The following CPNE9 variants were observed in gnomAD, a reference collection of about 807,000 sequenced individuals.
The protein encoded by CPNE9 is copine-9.
A neutral mutation model predicts 83.0 loss-of-function variants in CPNE9; 59 were observed. The ratio of observed to expected loss-of-function variants is 0.71; its 90% CI spans 0.58 to 0.88. The LOEUF (loss-of-function observed/expected upper bound fraction) is 0.88. CPNE9 is among the 40% of genes least tolerant of loss of function. The pLI, the probability that CPNE9 is intolerant of heterozygous loss-of-function variation, is 0.00. For missense variants in CPNE9, 619 were observed against 720.8 expected, an observed-to-expected ratio of 0.86 and a Z score of 1.62; for synonymous variants, 256 against 273.4, an observed-to-expected ratio of 0.94 and a Z score of 0.63.
intron 17 of CPNE9, among the ~76,000 whole-genome samples, chr3:9,725,671 T>C (rs1252654909): frequency 3.1e-5 from 1 of 32,500 alleles, no homozygotes; most frequent in Admixed American, 2.6e-4. Flanking sequence ...TATGTATATA[T>C]ATGTGTATAT....
intron 7 of CPNE9, among the ~76,000 whole-genome samples, chr3:9,709,881 T>G (rs531028771): frequency 6.7e-6 from 1 of 148,216 alleles, no homozygotes; most frequent in African/African-American, 2.5e-5. Context: ...TCCCAGCTAC[T>G]AGGGAGGATG....
chr3:9,722,884 T>A (rs2076746586), intron 17 of CPNE9, among the ~76,000 whole-genome samples: 1 of 152,046 alleles, frequency 6.6e-6, no homozygotes, highest in South Asian at 2.1e-4. Flanking sequence ...GGAACACTTT[T>A]CCCTTTACCT....
intron 20 of CPNE9, 187 bp downstream of exon 20, chr3:9,727,373 C>T (rs2125477641): frequency 1.3e-6 from 1 of 758,096 alleles, no homozygotes; most frequent in East Asian, 2.7e-5. Context: ...TTGGCACATC[C>T]GTGGTGTAGG....
In CPNE9 at chr3:9,713,019, A is replaced by G. The variant is rs2076644878; in HGVS notation, c.590A>G (p.Asn197Ser). Residue 197 changes from asparagine (N) to serine (S), a missense_variant, in exon 10 of 21, where the codon AAT (asparagine) becomes AGT (serine). Coordinates refer to ENST00000383832, the MANE Select transcript of CPNE9 (RefSeq NM_153635.3). ...ACAGAGGTTGTGAAAAACACGCTGA[A>G]TCCTGTGTGGCAGCCCTTCAGCATC... ...HKTEVVKNTL[N>S]PVWQPFSIPV... 6.2e-7 allele frequency: 1 copy of G among 1,614,228 alleles called. No homozygotes were observed. Among genetic ancestry groups the G allele is most frequent in the African/African-American group, 1.3e-5 (1 of 75,060 alleles).
intron 19 of CPNE9, 146 bp from the exon 20 acceptor site, chr3:9,726,967 C>T (rs1168764777): frequency 1.0e-5 from 9 of 882,774 alleles, no homozygotes; most frequent in African/African-American, 1.7e-5. Context: ...GTAATAATAA[C>T]TCCATAACGA....
chr3:9,724,454 C>G (rs1316789684), intron 17 of CPNE9, among the ~76,000 whole-genome samples: 1 of 152,122 alleles, frequency 6.6e-6, no homozygotes. Flanking sequence ...TTTGCTCTCG[C>G]TCATATATAA....
At position 9,704,026 on chromosome 3, in the gene CPNE9, C is replaced by T. The variant is rs778654807; in HGVS notation, c.30C>T (p.Ser10=). 4.4e-6 allele frequency: 7 copies of T among 1,607,772 alleles called. No homozygotes were observed. The South Asian group carries it at 7.8e-5, about 18-fold the overall frequency. The change falls in exon 1 of 21, where the codon AGC becomes AGT. Residue 10 remains serine, a synonymous_variant. Transcript: ENST00000383832. The surrounding 1 kb of genome is among the most constrained non-coding windows in gnomAD (Gnocchi z 7.1). The part of the protein sequence containing the change: MSLGGASER[S]VPATKIEITV... ...CTCTCGGCGGAGCCTCCGAGCGCAGCGTCCCGGCCACCAAGATTGAAATTA... is the reference window on the plus strand; with the variant it reads ...CTCTCGGCGGAGCCTCCGAGCGCAGTGTCCCGGCCACCAAGATTGAAATTA...
At chr3:9,724,384 A>C (rs2076758993) in intron 17 of CPNE9, among the ~76,000 whole-genome samples, 1 of 152,160 alleles carries the variant, frequency 6.6e-6, no homozygotes, top group Non-Finnish European at 1.5e-5. Flanking sequence ...TGTGGCTGGC[A>C]GAGGGGAGAA....
chr3:9,705,653 G>A, intron 5 of CPNE9, 65 bp from the exon 6 acceptor site: 1 of 1,603,808 alleles, frequency 6.2e-7, no homozygotes, highest in African/African-American at 1.3e-5. Context: ...CTGCCTGAGT[G>A]TCCTGCCTGT....
At chr3:9,717,743 G>C (rs928221501) in intron 15 of CPNE9, among the ~76,000 whole-genome samples, 1 of 152,070 alleles carries the variant, frequency 6.6e-6, no homozygotes, top group African/African-American at 2.4e-5. Flanking sequence ...AGAGAATGGA[G>C]AGATTGGTGG....
Position 9,715,466 on chromosome 3 carries a change from C to G in CPNE9, c.769-7C>G. ...TTCTCATCATCACTGTTACCTCCTCCCCTTAGGTTCTTAACCCTCGGAAGA... is the reference window on the plus strand; with the variant it reads ...TTCTCATCATCACTGTTACCTCCTCGCCTTAGGTTCTTAACCCTCGGAAGA... On this transcript the variant is annotated splice_region_variant and splice_polypyrimidine_tract_variant and intron_variant, in intron 12 of 20. Transcript: ENST00000383832. 6.2e-7 allele frequency: 1 copy of G among 1,613,714 alleles called. No individual in the cohort carries two copies. The highest frequency in any genetic ancestry group is 8.5e-7 in the Non-Finnish European group (1 of 1,179,606).
chr3:9,708,396 G>A (rs1023095168), intron 7 of CPNE9, among the ~76,000 whole-genome samples: 1 of 152,232 alleles, frequency 6.6e-6, no homozygotes, highest in Non-Finnish European at 1.5e-5. Flanking sequence ...AAAGAAGACT[G>A]AGAAGGAGCA....
chr3:9,715,567 C>T (rs543460589), intron 13 of CPNE9, 41 bp downstream of exon 13: 18 of 1,530,206 alleles, frequency 1.2e-5, no homozygotes, highest in African/African-American at 9.6e-5. Context: ...TGGATCCTTC[C>T]GTGTCTGTCC....
chr3:9,715,554 C>T, intron 13 of CPNE9, 28 bp downstream of exon 13: 1 of 1,593,210 alleles, frequency 6.3e-7, no homozygotes, highest in East Asian at 2.2e-5. Context: ...CCGTGGCCCT[C>T]CCTGGATCCT....
chr3:9,716,534 G>C (rs1417192109), intron 14 of CPNE9, among the ~76,000 whole-genome samples: 4 of 151,800 alleles, frequency 2.6e-5, no homozygotes, highest in Non-Finnish European at 5.9e-5. Flanking sequence ...GCAATGGTGC[G>C]ATCTTGGCTC....
intron 7 of CPNE9, among the ~76,000 whole-genome samples, chr3:9,709,810 C>A (rs1032378612): frequency 6.6e-6 from 1 of 151,458 alleles, no homozygotes; most frequent in African/African-American, 2.4e-5. Context: ...GCCAACATGG[C>A]GAAACTCTGT....
At chr3:9,709,364 A>T (rs1171298275) in intron 7 of CPNE9, among the ~76,000 whole-genome samples, 8 of 137,072 alleles carry the variant, frequency 5.8e-5, no homozygotes, top group African/African-American at 5.3e-5. Context: ...TAAGTTTATA[A>T]TTTTTTTTTT....
chr3:9,722,974 A>G (rs1398693512), intron 17 of CPNE9, among the ~76,000 whole-genome samples: 1 of 152,096 alleles, frequency 6.6e-6, no homozygotes, highest in East Asian at 1.9e-4. Flanking sequence ...CAAAGCCCTA[A>G]CCTCAATACA....
chr3:9,715,453 C>G lies in CPNE9; in HGVS notation c.769-20C>G. On this transcript the variant is annotated intron_variant, in intron 12 of 20. Transcript: ENST00000383832. ...TCCCTTCCTTTGTTTCTCATCATCACTGTTACCTCCTCCCCTTAGGTTCTT... is the reference window on the plus strand; with the variant it reads ...TCCCTTCCTTTGTTTCTCATCATCAGTGTTACCTCCTCCCCTTAGGTTCTT... 6.2e-7 allele frequency: 1 copy of G among 1,613,318 alleles called. No individual in the cohort carries two copies. Among genetic ancestry groups the G allele is most frequent in the Non-Finnish European group, 8.5e-7 (1 of 1,179,202 alleles).
Sources: gnomAD v4.1 joint callset for allele counts (sites outside exome capture counted in the v4.1 genomes callset) on GRCh38, gnomAD v4.1.1 for gene constraint, Gnocchi (gnomAD v3.1) non-coding constraint, MANE v1.5 for transcripts, NCBI Gene and HGNC (gene_info 2026-07-23, HGNC 2026-07-21) for gene names.